Variants in KHDRBS3 observed in about 807,000 individuals in gnomAD.
KHDRBS3 encodes KH RNA binding domain containing, signal transduction associated 3, also known as KH domain-containing, RNA-binding, signal transduction-associated protein 3.
KHDRBS3 carries 23 observed loss-of-function variants against 45.6 expected under a neutral mutation model. That is an observed-to-expected ratio of 0.50 (90% CI 0.36 to 0.72). The LOEUF (loss-of-function observed/expected upper bound fraction) is 0.72, where lower values mean the gene tolerates loss of function less well. Among genes scored for constraint, KHDRBS3 ranks in the 30% least tolerant of loss-of-function variants. KHDRBS3 has a pLI of 0.00. For synonymous variants in KHDRBS3, 162 were observed against 156.5 expected (o/e 1.04, Z -0.26); for missense variants, 352 against 424.8 (o/e 0.83, Z 1.51).
intron 7 of KHDRBS3, 28 bp downstream of exon 7, chr8:135,607,065 C>T: frequency 2.6e-6 from 4 of 1,541,358 alleles, no homozygotes; most frequent in Non-Finnish European, 3.6e-6. Flanking sequence ...TTACCAGACC[C>T]CACAACAGAA....
chr8:135,634,227 A>G (rs1830719309), intron 7 of KHDRBS3, among the ~76,000 whole-genome samples: 1 of 152,224 alleles, frequency 6.6e-6, no homozygotes, highest in Non-Finnish European at 1.5e-5. Flanking sequence ...ATCACATTTT[A>G]TAGCTTGAGA....
intron 7 of KHDRBS3, among the ~76,000 whole-genome samples, chr8:135,644,676 C>A (rs1033427442): frequency 1.3e-5 from 2 of 152,242 alleles, no homozygotes; most frequent in Admixed American, 6.5e-5. Flanking sequence ...ACAGGCCCAG[C>A]CCTAGCTCTT....
At chr8:135,522,155 T>C (rs1014883742) in intron 2 of KHDRBS3, among the ~76,000 whole-genome samples, 1 of 152,188 alleles carries the variant, frequency 6.6e-6, no homozygotes, top group African/African-American at 2.4e-5. Context: ...TGTGTCCGTG[T>C]GTTCTCATTG....
chr8:135,553,365 T>G (rs1826711558), intron 4 of KHDRBS3, among the ~76,000 whole-genome samples: 1 of 152,222 alleles, frequency 6.6e-6, no homozygotes, highest in African/African-American at 2.4e-5. Flanking sequence ...GGGGAGGCTT[T>G]GCTGAGCTCC....
chr8:135,541,525 G>C (rs1249260882), intron 2 of KHDRBS3: 1 of 152,152 alleles, frequency 6.6e-6, no homozygotes, highest in East Asian at 1.9e-4. Context: ...ATACCACTTA[G>C]ATTTTTTAAA....
At chr8:135,486,037 C>G (rs370404224) in intron 1 of KHDRBS3, among the ~76,000 whole-genome samples, 1 of 151,844 alleles carries the variant, frequency 6.6e-6, no homozygotes, top group Non-Finnish European at 1.5e-5. Context: ...GCCAGAGACT[C>G]CATTTGGGTT....
intron 6 of KHDRBS3, among the ~76,000 whole-genome samples, chr8:135,605,493 T>C (rs968576036): frequency 2.6e-5 from 4 of 152,174 alleles, no homozygotes; most frequent in African/African-American, 9.6e-5. Context: ...TTTTATGTTT[T>C]CTATATCTAT....
chr8:135,564,242 G>A (rs1430332497), intron 5 of KHDRBS3, among the ~76,000 whole-genome samples: 1 of 152,188 alleles, frequency 6.6e-6, no homozygotes, highest in Non-Finnish European at 1.5e-5. Context: ...TTTACCAGAT[G>A]CTGTGATAAA....
At chr8:135,605,594 C>G (rs1191485741) in intron 6 of KHDRBS3, among the ~76,000 whole-genome samples, 1 of 152,140 alleles carries the variant, frequency 6.6e-6, no homozygotes, top group Non-Finnish European at 1.5e-5. Context: ...CAACTATCCC[C>G]TGTGTATACC....
intron 7 of KHDRBS3, among the ~76,000 whole-genome samples, chr8:135,622,587 T>C (rs955882345): frequency 6.6e-6 from 1 of 152,238 alleles, no homozygotes; most frequent in Admixed American, 6.5e-5. Flanking sequence ...GTAATAGATA[T>C]GGCTTTGAAA....
chr8:135,492,545 A>T (rs575641711), intron 1 of KHDRBS3, among the ~76,000 whole-genome samples: 1 of 150,566 alleles, frequency 6.6e-6, no homozygotes, highest in Admixed American at 6.6e-5. Flanking sequence ...TTCCTCTAAA[A>T]CCATTTGTTA....
At chr8:135,610,278 T>C (rs1340716762) in intron 7 of KHDRBS3, among the ~76,000 whole-genome samples, 1 of 151,934 alleles carries the variant, frequency 6.6e-6, no homozygotes, top group Non-Finnish European at 1.5e-5. Flanking sequence ...TGTCTTGTTT[T>C]AATACAAATG....
chr8:135,474,066 G>A (rs1419717825), intron 1 of KHDRBS3, among the ~76,000 whole-genome samples: 1 of 152,160 alleles, frequency 6.6e-6, no homozygotes, highest in Admixed American at 6.5e-5. Flanking sequence ...TTAGTGATGT[G>A]TCAGTTGAGA....
chr8:135,498,265 A>G (rs1420241213), intron 1 of KHDRBS3, among the ~76,000 whole-genome samples: 2 of 151,772 alleles, frequency 1.3e-5, no homozygotes, highest in Non-Finnish European at 3.0e-5. Context: ...TAATTAAGGA[A>G]TGCCTCAGCA....
intron 5 of KHDRBS3, among the ~76,000 whole-genome samples, chr8:135,568,082 CCA>C (rs1029375360): frequency 6.6e-6 from 1 of 152,192 alleles, no homozygotes; most frequent in Non-Finnish European, 1.5e-5. Context: ...GCCTTACTTG[CCA>C]CACACACAGC....
chr8:135,496,855 G>T lies in KHDRBS3; in HGVS notation c.89-24382G>T, dbSNP rs899507534. 2.6e-5 allele frequency among the ~76,000 whole-genome samples: 4 copies of T among 152,242 alleles called. No individual in the cohort carries two copies. In the East Asian group the frequency reaches 7.7e-4, roughly 29 times the overall value. ...GCTGGAGTTCTTGGCCAACTAGCTTGCCTGTTGCTTGCCCGTAGCTTGCCC... is the reference window on the plus strand; with the variant it reads ...GCTGGAGTTCTTGGCCAACTAGCTTTCCTGTTGCTTGCCCGTAGCTTGCCC... On this transcript the variant is annotated intron_variant, in intron 1 of 8. Transcript: ENST00000355849.
chr8:135,503,568 G>GC (rs1298625996), intron 1 of KHDRBS3, among the ~76,000 whole-genome samples: 2 of 143,740 alleles, frequency 1.4e-5, no homozygotes, highest in Admixed American at 7.0e-5. Context: ...AAGTTTTTTT[G>GC]TTTTTTTTTT....
chr8:135,643,646 A>G (rs1344473035), intron 7 of KHDRBS3, among the ~76,000 whole-genome samples: 1 of 152,228 alleles, frequency 6.6e-6, no homozygotes, highest in Non-Finnish European at 1.5e-5. Context: ...TAGTCATTAA[A>G]TGTGATGATT....
intron 1 of KHDRBS3, among the ~76,000 whole-genome samples, chr8:135,519,737 G>T (rs1824809523): frequency 6.6e-6 from 1 of 152,184 alleles, no homozygotes; most frequent in Non-Finnish European, 1.5e-5. Flanking sequence ...GTCCCATTTA[G>T]TGTCCTTTAA....
Sources: gnomAD v4.1 joint callset for allele counts (sites outside exome capture counted in the v4.1 genomes callset) on GRCh38, gnomAD v4.1.1 for gene constraint, MANE v1.5 for transcripts, NCBI Gene and HGNC (gene_info 2026-07-23, HGNC 2026-07-21) for gene names.